The following PPP1CB variants were observed in gnomAD, a reference collection of about 807,000 sequenced individuals.
PPP1CB encodes the protein serine/threonine-protein phosphatase PP1-beta catalytic subunit.
Under a neutral mutation model 43.7 loss-of-function variants are expected in PPP1CB, and 2 were observed. The observed-to-expected ratio is 0.05, with a 90% CI of 0.02 to 0.14. PPP1CB has a LOEUF of 0.14. PPP1CB is among the 10% of genes least tolerant of loss of function. The probability of loss-of-function intolerance (pLI) is 1.00; values close to 1 mark genes in which losing one functional copy is unlikely to be tolerated. For missense variants in PPP1CB, 84 were observed against 398.0 expected (o/e 0.21, Z 6.71); for synonymous variants, 136 against 135.6 (o/e 1.00, Z -0.02).
intron 6 of PPP1CB, among the ~76,000 whole-genome samples, chr2:28,789,593 ATTTTTT>A (rs70956041): frequency 1.2e-4 from 12 of 96,534 alleles, no homozygotes; most frequent in South Asian, 3.4e-4. Context: ...TATGATTTAG[ATTTTTT>A]TTTTTTTTTT....
In PPP1CB at chr2:28,799,343, G is replaced by A; in HGVS notation, c.*40G>A. ...TAAAGAAACCATCAGATTTGTTAAG[G>A]ACATACTTCATAATATATAAGTGTG... On this transcript the variant is annotated 3_prime_UTR_variant, in exon 8 of 8. Coordinates refer to ENST00000395366, the MANE Select transcript of PPP1CB (RefSeq NM_002709.3). The A allele has an allele frequency of 6.8e-7, 1 of 1,476,150 alleles. No homozygotes were observed. The highest frequency in any genetic ancestry group is 9.5e-7 in the Non-Finnish European group (1 of 1,056,256). 91.4% of individuals were successfully genotyped at this position (1,476,150 alleles called of 1,614,324 possible).
chr2:28,751,951 T>G lies in PPP1CB; in HGVS notation c.-174T>G. The stretch of plus-strand genomic sequence containing the variant: ...TGGGTGCCTCCGAGTGTGCGCGCGC[T>G]CTCGCTACCCGGCGGGGAGGGGGTG... On this transcript the variant is annotated 5_prime_UTR_variant, in exon 1 of 8. Transcript: ENST00000395366. 1.6e-6 allele frequency: 1 copy of G among 640,198 alleles called. No homozygotes were observed. The highest frequency in any genetic ancestry group is 2.7e-6 in the Non-Finnish European group (1 of 365,068). The allele number at this position is 640,198 out of a possible 1,614,324, so 39.7% of individuals were successfully genotyped here.
At chr2:28,785,304 G>A (rs1667243445) in intron 5 of PPP1CB, among the ~76,000 whole-genome samples, 1 of 151,622 alleles carries the variant, frequency 6.6e-6, no homozygotes, top group Non-Finnish European at 1.5e-5. Flanking sequence ...TCGATCTCTT[G>A]ATCTTGTGAT....
At chr2:28,796,767 C>A (rs1049576806) in intron 7 of PPP1CB, among the ~76,000 whole-genome samples, 1 of 151,994 alleles carries the variant, frequency 6.6e-6, no homozygotes, top group Admixed American at 6.6e-5. Flanking sequence ...CCTTTTATTT[C>A]TTTATCTTGC....
At position 28,768,793 on chromosome 2, in the gene PPP1CB, A is replaced by G. The variant is rs532352617; in HGVS notation, c.53-8058A>G. On this transcript the variant is annotated intron_variant, in intron 1 of 7. Transcript: ENST00000395366. The stretch of plus-strand genomic sequence containing the variant: ...TGTTTTGGACAAGCTAATGAAACTG[A>G]ATTGACCAAAAACCAATAGAAATTA... 3.3e-5 allele frequency among the ~76,000 whole-genome samples: 5 copies of G among 152,324 alleles called. No individual in the cohort carries two copies. In the East Asian group the frequency reaches 9.6e-4, roughly 29 times the overall value.
At chr2:28,752,278 C>G in intron 1 of PPP1CB, 102 bp downstream of exon 1, 2 of 1,112,220 alleles carry the variant, frequency 1.8e-6, no homozygotes, top group Non-Finnish European at 2.5e-6. Flanking sequence ...CTTTCCCGCC[C>G]CGAGACGAGT....
chr2:28,799,402 TA>T lies in PPP1CB; in HGVS notation c.*100del, dbSNP rs1667560774. On this transcript the variant is annotated 3_prime_UTR_variant, in exon 8 of 8. Coordinates refer to ENST00000395366, the MANE Select transcript of PPP1CB (RefSeq NM_002709.3). ...AACCATCCAGCCATTTGACACCCTT[TA>T]TGATGTCACACCTTTAACTTAAGGA... 1.1e-6 allele frequency: 1 copy of T among 920,376 alleles called. No individual in the cohort carries two copies. The highest frequency in any genetic ancestry group is 2.7e-5 in the East Asian group (1 of 37,244). 57.0% of individuals were successfully genotyped at this position (920,376 alleles called of 1,614,324 possible). A position where few individuals can be genotyped will look rare whatever the true frequency, so the allele number is the denominator to read the frequency against.
intron 7 of PPP1CB, among the ~76,000 whole-genome samples, chr2:28,794,456 T>C (rs191964940): frequency 2.6e-5 from 4 of 152,244 alleles, no homozygotes; most frequent in Admixed American, 2.0e-4. Flanking sequence ...TTCGGGAGGC[T>C]GAGGTGGGCG....
At position 28,802,469 on chromosome 2, in the gene PPP1CB, T is replaced by C. The variant is rs1240549481; in HGVS notation, c.*3166T>C. 6.6e-6 allele frequency: 1 copy of C among 152,190 alleles called. No individual in the cohort carries two copies. 9.4% of individuals were successfully genotyped at this position (152,190 alleles called of 1,614,324 possible). A position where few individuals can be genotyped will look rare whatever the true frequency, so the allele number is the denominator to read the frequency against. ...GAGAAGAGACTTAATCCAAGCCTGA[T>C]TGTACTAGTGGCATCACTTAGAAGT... On this transcript the variant is annotated 3_prime_UTR_variant, in exon 8 of 8. Transcript: ENST00000395366.
chr2:28,774,574 C>T (rs565316966), intron 1 of PPP1CB, among the ~76,000 whole-genome samples: 2 of 152,098 alleles, frequency 1.3e-5, no homozygotes, highest in South Asian at 2.1e-4. Context: ...TACAGGCACC[C>T]GCCACCACTC....
intron 4 of PPP1CB, among the ~76,000 whole-genome samples, chr2:28,783,412 A>G (rs1667195246): frequency 6.6e-6 from 1 of 152,188 alleles, no homozygotes; most frequent in South Asian, 2.1e-4. Context: ...AACAATTATA[A>G]TGCTGTATTA....
intron 1 of PPP1CB, among the ~76,000 whole-genome samples, chr2:28,756,551 A>C (rs1298621852): frequency 6.6e-6 from 1 of 152,198 alleles, no homozygotes; most frequent in Non-Finnish European, 1.5e-5. Context: ...TGGCTTGATC[A>C]TGGCTCACTG....
rs114595327 is a variant in PPP1CB, at chr2:28,796,854, A to C, written c.880-2345A>C. 7.0e-3 allele frequency among the ~76,000 whole-genome samples: 1,064 copies of C among 152,168 alleles called. 6 individuals are homozygous for C. The highest frequency in any genetic ancestry group is 9.2e-3 in the Non-Finnish European group (624 of 67,970). ...AATGGTCATCCTAGTCTCTTGTTCC[A>C]GTTCTCAAGGGGAATGCTTCCAGCA... is the stretch of plus-strand genomic sequence containing the variant. On this transcript the variant is annotated intron_variant, in intron 7 of 7. Coordinates refer to ENST00000395366, the MANE Select transcript of PPP1CB (RefSeq NM_002709.3).
intron 1 of PPP1CB, among the ~76,000 whole-genome samples, chr2:28,769,513 T>C (rs1666856218): frequency 6.6e-6 from 1 of 152,154 alleles, no homozygotes; most frequent in South Asian, 2.1e-4. Flanking sequence ...AAACTAAAGC[T>C]CAGAAAATAT....
At chr2:28,765,945 T>A (rs949601231) in intron 1 of PPP1CB, among the ~76,000 whole-genome samples, 4 of 152,228 alleles carry the variant, frequency 2.6e-5, no homozygotes, top group Admixed American at 2.0e-4. Context: ...CTTGCTTTAA[T>A]TCAGACAGTA....
At chr2:28,793,067 T>G (rs1667420394) in intron 6 of PPP1CB, among the ~76,000 whole-genome samples, 1 of 152,054 alleles carries the variant, frequency 6.6e-6, no homozygotes, top group African/African-American at 2.4e-5. Flanking sequence ...TTCATCGGGC[T>G]TGCTGGTGGG....
intron 1 of PPP1CB, among the ~76,000 whole-genome samples, chr2:28,771,990 A>G (rs1269545750): frequency 6.7e-6 from 1 of 148,902 alleles, no homozygotes; most frequent in East Asian, 1.9e-4. Context: ...AAAAAAAAAA[A>G]GATAACCTAA....
In PPP1CB at chr2:28,796,514, G is replaced by T. The variant is rs115892501; in HGVS notation, c.879+2517G>T. 6.4e-3 allele frequency among the ~76,000 whole-genome samples: 980 copies of T among 152,110 alleles called. 9 individuals carry two copies. Among genetic ancestry groups the T allele is most frequent in the African/African-American group, 0.022 (929 of 41,496 alleles). On this transcript the variant is annotated intron_variant, in intron 7 of 7. Transcript: ENST00000395366. The stretch of plus-strand genomic sequence containing the variant: ...AGATCTTTCACCTCCCTGGTTAGCT[G>T]TATTCCTTGATATTCTTTTTGTGGC...
chr2:28,768,730 C>T (rs1439099820), intron 1 of PPP1CB, among the ~76,000 whole-genome samples: 3 of 152,128 alleles, frequency 2.0e-5, no homozygotes, highest in African/African-American at 7.2e-5. Flanking sequence ...AATTTTGTAT[C>T]CATAATTCAG....
Sources: gnomAD v4.1 joint callset for allele counts (sites outside exome capture counted in the v4.1 genomes callset) on GRCh38, gnomAD v4.1.1 for gene constraint, MANE v1.5 for transcripts, NCBI Gene and HGNC (gene_info 2026-07-23, HGNC 2026-07-21) for gene names.